Variants in ARHGAP15 observed in about 807,000 individuals in gnomAD.
The protein encoded by ARHGAP15 is Rho GTPase activating protein 15.
A neutral mutation model predicts 63.7 loss-of-function variants in ARHGAP15; 51 were observed. The observed-to-expected ratio is 0.80, with a 90% CI of 0.64 to 1.01. ARHGAP15 has a LOEUF of 1.01. ARHGAP15 is among the 50% of genes least tolerant of loss of function. ARHGAP15 has a pLI of 0.00. For missense variants in ARHGAP15, 560 were observed against 564.6 expected (o/e 0.99, Z 0.08); for synonymous variants, 191 against 193.8 (o/e 0.99, Z 0.12).
intron 8 of ARHGAP15, among the ~76,000 whole-genome samples, chr2:143,475,200 G>A (rs1489280925): frequency 6.6e-6 from 1 of 152,132 alleles, no homozygotes; most frequent in Non-Finnish European, 1.5e-5. Flanking sequence ...GTATTCACCG[G>A]GCTCCAGCTA....
chr2:143,140,071 T>C (rs1689300494), intron 1 of ARHGAP15, among the ~76,000 whole-genome samples: 1 of 152,182 alleles, frequency 6.6e-6, no homozygotes, highest in Non-Finnish European at 1.5e-5. Context: ...TTATCAGGTC[T>C]TGAATCAAAG....
At chr2:143,322,644 C>G (rs1172906892) in intron 6 of ARHGAP15, among the ~76,000 whole-genome samples, 2 of 152,162 alleles carry the variant, frequency 1.3e-5, no homozygotes, top group Non-Finnish European at 2.9e-5. Context: ...TAAACTGTTG[C>G]CTGATGGGAA....
intron 9 of ARHGAP15, among the ~76,000 whole-genome samples, chr2:143,503,765 T>A (rs1693179659): frequency 6.6e-6 from 1 of 152,238 alleles, no homozygotes; most frequent in Non-Finnish European, 1.5e-5. Flanking sequence ...TATCCAATGA[T>A]GAGGATGAAG....
chr2:143,176,076 G>T (rs1285680840), intron 2 of ARHGAP15, among the ~76,000 whole-genome samples: 1 of 152,076 alleles, frequency 6.6e-6, no homozygotes, highest in Non-Finnish European at 1.5e-5. Flanking sequence ...GAACACAAAT[G>T]AGTTACTATA....
At chr2:143,344,349 A>G (rs1685180367) in intron 6 of ARHGAP15, 2 of 152,232 alleles carry the variant, frequency 1.3e-5, no homozygotes, top group East Asian at 1.9e-4. Flanking sequence ...AATATCAACA[A>G]GTTTTTTAAG....
intron 6 of ARHGAP15, among the ~76,000 whole-genome samples, chr2:143,390,459 G>A (rs1687487035): frequency 6.6e-6 from 1 of 152,166 alleles, no homozygotes; most frequent in African/African-American, 2.4e-5. Context: ...CATTGGCCCA[G>A]TGGGAACCAG....
chr2:143,619,999 T>C (rs997975660), intron 11 of ARHGAP15, among the ~76,000 whole-genome samples: 1 of 152,234 alleles, frequency 6.6e-6, no homozygotes, highest in African/African-American at 2.4e-5. Flanking sequence ...CGTACTGAGA[T>C]AAATCCTCTA....
chr2:143,352,679 T>G (rs1387688051), intron 6 of ARHGAP15, among the ~76,000 whole-genome samples: 1 of 152,218 alleles, frequency 6.6e-6, no homozygotes, highest in East Asian at 1.9e-4. Flanking sequence ...AATATTTCTG[T>G]AACTATGGAA....
At chr2:143,389,346 C>T (rs908011258) in intron 6 of ARHGAP15, among the ~76,000 whole-genome samples, 8 of 151,984 alleles carry the variant, frequency 5.3e-5, no homozygotes, top group African/African-American at 1.9e-4. Flanking sequence ...TTCATGAATT[C>T]ACTTTACGGT....
At chr2:143,191,172 A>G (rs1211982184) in intron 2 of ARHGAP15, among the ~76,000 whole-genome samples, 1 of 152,234 alleles carries the variant, frequency 6.6e-6, no homozygotes, top group African/African-American at 2.4e-5. Context: ...TATATATGCT[A>G]CGCAGGTCGA....
chr2:143,663,040 G>T lies in ARHGAP15; in HGVS notation c.1138+38773G>T, dbSNP rs1265546134. 1.2e-4 allele frequency among the ~76,000 whole-genome samples: 15 copies of T among 122,806 alleles called. No individual in the cohort carries two copies. In the East Asian group the frequency reaches 3.6e-3, roughly 29 times the overall value. 80.6% of individuals were successfully genotyped at this position (122,806 alleles called of 152,430 possible). On this transcript the variant is annotated intron_variant, in intron 12 of 13. Transcript: ENST00000295095. The stretch of plus-strand genomic sequence containing the variant: ...CCCCAATCTAGCAAGGCAGGCCAAC[G>T]TTCAGATTCAGGAAATACAGAGAAC...
At chr2:143,429,652 G>C (rs554189749) in intron 6 of ARHGAP15, among the ~76,000 whole-genome samples, 2 of 151,996 alleles carry the variant, frequency 1.3e-5, no homozygotes, top group Non-Finnish European at 2.9e-5. Flanking sequence ...ACTAATGAAC[G>C]CACATTTGTT....
intron 4 of ARHGAP15, among the ~76,000 whole-genome samples, chr2:143,226,641 C>T (rs1204382114): frequency 1.3e-5 from 2 of 152,248 alleles, no homozygotes; most frequent in South Asian, 2.1e-4. Flanking sequence ...CAGAAGGAAA[C>T]GTCTGTGTGG....
chr2:143,188,623 A>G (rs1691540385), intron 2 of ARHGAP15, among the ~76,000 whole-genome samples: 1 of 121,782 alleles, frequency 8.2e-6, no homozygotes, highest in Admixed American at 7.7e-5. Flanking sequence ...CATTATTATT[A>G]TTATTATTAT....
chr2:143,572,718 T>C (rs1161072137), intron 11 of ARHGAP15, among the ~76,000 whole-genome samples: 1 of 152,204 alleles, frequency 6.6e-6, no homozygotes, highest in Non-Finnish European at 1.5e-5. Flanking sequence ...CTCTGTCATA[T>C]GTGTATTTTT....
At chr2:143,477,737 AG>A (rs1215918488) in intron 8 of ARHGAP15, among the ~76,000 whole-genome samples, 6 of 152,206 alleles carry the variant, frequency 3.9e-5, no homozygotes, top group African/African-American at 1.4e-4. Context: ...GAAAGAAAAA[AG>A]AAAGAAATGG....
intron 10 of ARHGAP15, among the ~76,000 whole-genome samples, chr2:143,550,423 G>T (rs986309605): frequency 6.6e-6 from 1 of 152,118 alleles, no homozygotes; most frequent in Non-Finnish European, 1.5e-5. Context: ...GAATAACAAC[G>T]GAATACAAGA....
chr2:143,738,309 C>T (rs919342464), intron 13 of ARHGAP15, among the ~76,000 whole-genome samples: 3 of 151,998 alleles, frequency 2.0e-5, no homozygotes, highest in African/African-American at 7.3e-5. Context: ...CTGGTCAAAT[C>T]CAGAAGGAAT....
chr2:143,463,515 C>T (rs375085600), intron 8 of ARHGAP15, among the ~76,000 whole-genome samples: 77 of 117,746 alleles, frequency 6.5e-4, no homozygotes, highest in African/African-American at 2.2e-3. Flanking sequence ...ATTCCAACCT[C>T]GTAATCAAGA....
Sources: allele counts gnomAD v4.1 joint callset (sites outside exome capture counted in the v4.1 genomes callset), GRCh38; gene constraint gnomAD v4.1.1; transcripts MANE v1.5; gene names NCBI Gene and HGNC (gene_info 2026-07-23, HGNC 2026-07-21).